Variants in SAMTOR observed in about 807,000 individuals in gnomAD.
SAMTOR encodes the protein UPF0532 protein C7orf60.
chr7:112,931,928 T>C, the SAMTOR span, among the ~76,000 whole-genome samples: 4 of 151,794 alleles, frequency 2.6e-5, no homozygotes, highest in African/African-American at 9.7e-5. Context: ...TACTTTTTTT[T>C]TTTTTTTCTT....
chr7:112,908,134 T>C, the SAMTOR span, among the ~76,000 whole-genome samples: 1 of 152,308 alleles, frequency 6.6e-6, no homozygotes, highest in South Asian at 2.1e-4. Context: ...TAGGTATCAA[T>C]TGTCAAACAT....
chr7:112,902,460 A>ACAAAAAAAAAAC, the SAMTOR span, among the ~76,000 whole-genome samples: 1 of 141,852 alleles, frequency 7.0e-6, no homozygotes, highest in South Asian at 2.3e-4. Context: ...AAAAAAAAAA[A>ACAAAAAAAAAAC]CCAAAAAAGT....
the SAMTOR span, among the ~76,000 whole-genome samples, chr7:112,912,756 A>G: frequency 4.5e-3 from 680 of 152,120 alleles, 6 homozygotes; most frequent in Middle Eastern, 0.017. Context: ...ATTCCTAATG[A>G]TTTTTCATCA....
chr7:112,909,675 G>A, the SAMTOR span, among the ~76,000 whole-genome samples: 1 of 151,946 alleles, frequency 6.6e-6, no homozygotes, highest in Non-Finnish European at 1.5e-5. Context: ...TATGTAAATT[G>A]TAGGAAAAGG....
the SAMTOR span, among the ~76,000 whole-genome samples, chr7:112,860,205 A>T: frequency 6.6e-6 from 1 of 152,230 alleles, no homozygotes; most frequent in African/African-American, 2.4e-5. Flanking sequence ...GCCTACAGGT[A>T]TGTATAGGCT....
chr7:112,820,113 C>T, the SAMTOR span: 2 of 152,466 alleles, frequency 1.3e-5, no homozygotes, highest in African/African-American at 4.8e-5. Context: ...ATATTTATTG[C>T]ATTTAATCAA....
At chr7:112,889,239 C>T in the SAMTOR span, among the ~76,000 whole-genome samples, 1 of 151,994 alleles carries the variant, frequency 6.6e-6, no homozygotes, top group Non-Finnish European at 1.5e-5. Flanking sequence ...ATATAAATAC[C>T]ACAACAGAGT....
chr7:112,902,429 C>CAAAAA, the SAMTOR span, among the ~76,000 whole-genome samples: 2 of 58,610 alleles, frequency 3.4e-5, no homozygotes, highest in Admixed American at 2.8e-4. Context: ...AAAAAAAAAA[C>CAAAAA]AAAAAAAAAC....
At chr7:112,893,558 C>T in the SAMTOR span, among the ~76,000 whole-genome samples, 5 of 152,318 alleles carry the variant, frequency 3.3e-5, no homozygotes, top group African/African-American at 9.6e-5. Flanking sequence ...ATCCAGACCA[C>T]TCAAACTTTC....
chr7:112,855,217 C>A, the SAMTOR span, among the ~76,000 whole-genome samples: 1 of 152,148 alleles, frequency 6.6e-6, no homozygotes, highest in South Asian at 2.1e-4. Flanking sequence ...TTGGATACAT[C>A]TTAATCGTTT....
At chr7:112,939,564 TC>T in the SAMTOR span, 1 of 1,613,630 alleles carries the variant, frequency 6.2e-7, no homozygotes, top group Non-Finnish European at 8.5e-7. Context: ...GGCCTCCCCT[TC>T]CTCCCTCACT....
At chr7:112,826,321 A>G in the SAMTOR span, among the ~76,000 whole-genome samples, 1 of 152,200 alleles carries the variant, frequency 6.6e-6, no homozygotes, top group Non-Finnish European at 1.5e-5. Context: ...GGAAGGTTTT[A>G]AACTGCCAAT....
the SAMTOR span, among the ~76,000 whole-genome samples, chr7:112,828,846 A>T: frequency 6.6e-6 from 1 of 152,166 alleles, no homozygotes; most frequent in African/African-American, 2.4e-5. Flanking sequence ...TTTCATCTTC[A>T]TTTTTGAAAG....
chr7:112,878,218 T>C, the SAMTOR span, among the ~76,000 whole-genome samples: 1 of 152,172 alleles, frequency 6.6e-6, no homozygotes, highest in Admixed American at 6.5e-5. Flanking sequence ...AAAACTGGCT[T>C]TAAAAGAAAT....
the SAMTOR span, among the ~76,000 whole-genome samples, chr7:112,861,966 A>G: frequency 1.3e-5 from 2 of 152,238 alleles, no homozygotes; most frequent in Non-Finnish European, 2.9e-5. Flanking sequence ...TAAACAATTG[A>G]AAAGAGGCCA....
chr7:112,939,582 G>A, the SAMTOR span: 7 of 1,613,848 alleles, frequency 4.3e-6, no homozygotes, highest in South Asian at 6.6e-5. Flanking sequence ...CACTCAGCGC[G>A]CTGTTTACCT....
the SAMTOR span, among the ~76,000 whole-genome samples, chr7:112,899,046 A>T: frequency 1.3e-5 from 2 of 152,208 alleles, no homozygotes; most frequent in African/African-American, 4.8e-5. Context: ...AAAAACATCC[A>T]CAAGCATCAA....
At chr7:112,896,942 G>T in the SAMTOR span, among the ~76,000 whole-genome samples, 1 of 152,182 alleles carries the variant, frequency 6.6e-6, no homozygotes, top group South Asian at 2.1e-4. Context: ...AGTCTTCAGA[G>T]ATGTACCTCA....
chr7:112,843,339 TAAATA>T, the SAMTOR span, among the ~76,000 whole-genome samples: 1 of 152,020 alleles, frequency 6.6e-6, no homozygotes, highest in African/African-American at 2.4e-5. Context: ...AGTAACACAT[TAAATA>T]ATGAGGATTC....
Sources: gnomAD v4.1 joint callset for allele counts (sites outside exome capture counted in the v4.1 genomes callset) on GRCh38, gnomAD v4.1.1 for gene constraint, MANE v1.5 for transcripts, NCBI Gene and HGNC (gene_info 2026-07-23, HGNC 2026-07-21) for gene names.